MORN5: variants seen among roughly 807,000 people sequenced by gnomAD.
MORN5 encodes MORN repeat-containing protein 5.
A neutral mutation model predicts 22.1 loss-of-function variants in MORN5; 21 were observed. That is an observed-to-expected ratio of 0.95 (90% CI 0.67 to 1.37). The LOEUF (loss-of-function observed/expected upper bound fraction) is 1.37. Ranked by LOEUF, MORN5 falls within the 40% of genes most tolerant of loss-of-function variation. The probability of loss-of-function intolerance (pLI) is 0.00; values close to 1 mark genes in which losing one functional copy is unlikely to be tolerated. For missense variants in MORN5, 211 were observed against 215.1 expected (o/e 0.98, Z 0.12); for synonymous variants, 73 against 74.0 (o/e 0.99, Z 0.07).
chr9:122,196,121 G>A (rs755543076), intron 4 of MORN5, among the ~76,000 whole-genome samples: 13 of 151,894 alleles, frequency 8.6e-5, no homozygotes, highest in Admixed American at 3.3e-4. Context: ...ACCATGCCCA[G>A]CTAATTTTTC....
intron 1 of MORN5, among the ~76,000 whole-genome samples, chr9:122,164,217 AAG>A (rs5900511): frequency 0.97 from 147,366 of 151,238 alleles, 71,811 homozygotes; most frequent in East Asian, 1. Flanking sequence ...AAGGAAGGGA[AAG>A]AGAGAGAGAG....
chr9:122,167,832 G>A (rs375013407), intron 2 of MORN5, among the ~76,000 whole-genome samples: 32 of 152,256 alleles, frequency 2.1e-4, no homozygotes, highest in African/African-American at 7.0e-4. Context: ...GAGGCTCTAC[G>A]GGAAAACCTG....
chr9:122,195,431 T>C (rs1829867637), intron 4 of MORN5, among the ~76,000 whole-genome samples: 1 of 152,178 alleles, frequency 6.6e-6, no homozygotes, highest in South Asian at 2.1e-4. Flanking sequence ...CCTGTCTCCT[T>C]AGGCTCCACT....
At chr9:122,185,231 A>AT (rs553423576) in intron 4 of MORN5, among the ~76,000 whole-genome samples, 84 of 99,158 alleles carry the variant, frequency 8.5e-4, no homozygotes, top group Non-Finnish European at 1.1e-3. Context: ...AATTTTTTGT[A>AT]TTTTTTTTTG....
intron 3 of MORN5, among the ~76,000 whole-genome samples, chr9:122,171,397 T>C (rs1307389360): frequency 2.0e-5 from 3 of 152,180 alleles, no homozygotes; most frequent in African/African-American, 4.8e-5. Context: ...CCCAGGCTTC[T>C]TTGCCACTGC....
intron 4 of MORN5, among the ~76,000 whole-genome samples, chr9:122,193,767 G>T (rs1829826262): frequency 6.6e-6 from 1 of 152,234 alleles, no homozygotes; most frequent in African/African-American, 2.4e-5. Context: ...AGGAAGGGTG[G>T]TCCCTTGGGA....
In MORN5 at chr9:122,196,826, CTCT is replaced by C. The variant is rs370298844; in HGVS notation, c.440-3054_440-3052del. Among the ~76,000 whole-genome samples, 84 of 152,174 alleles carry C rather than the reference CTCT, an allele frequency of 5.5e-4. No homozygotes were observed. The East Asian group carries it at 0.013, about 23-fold the overall frequency. On this transcript the variant is annotated intron_variant, in intron 4 of 4. Coordinates refer to ENST00000373764, the MANE Select transcript of MORN5 (RefSeq NM_198469.4). ...TACTATGTGTACTTTTATTTCTTGT[CTCT>C]TCTTGCCTTTTTTCTTTTGCTTATT... is the stretch of plus-strand genomic sequence containing the variant.
intron 4 of MORN5, among the ~76,000 whole-genome samples, chr9:122,180,673 G>A (rs1223303639): frequency 6.6e-6 from 1 of 152,226 alleles, no homozygotes; most frequent in Non-Finnish European, 1.5e-5. Context: ...GGGACCAGCT[G>A]TTGGTGGACC....
Position 122,164,549 on chromosome 9 carries a change from A to G in MORN5, c.48-2219A>G, listed in dbSNP as rs1002176961. 4 of 983,686 alleles carry G rather than the reference A, an allele frequency of 4.1e-6. No individual in the cohort carries two copies. The African/African-American group carries it at 5.3e-5, about 13-fold the overall frequency. 60.9% of individuals were successfully genotyped at this position (983,686 alleles called of 1,614,324 possible). A position where few individuals can be genotyped will look rare whatever the true frequency, so the allele number is the denominator to read the frequency against. On this transcript the variant is annotated intron_variant, in intron 1 of 4. Coordinates refer to ENST00000373764, the MANE Select transcript of MORN5 (RefSeq NM_198469.4). ...CTGATACCATTCATGGAAATAGAGA[A>G]CTCTAAGGAGGTGCTGCTTAGGGGA...
chr9:122,182,031 C>T (rs888557080), intron 4 of MORN5, among the ~76,000 whole-genome samples: 5 of 152,190 alleles, frequency 3.3e-5, no homozygotes, highest in African/African-American at 9.7e-5. Flanking sequence ...TGCTGTCTTT[C>T]TGCCTCCTCA....
intron 2 of MORN5, among the ~76,000 whole-genome samples, chr9:122,168,111 C>T (rs1829314091): frequency 6.6e-6 from 1 of 152,236 alleles, no homozygotes. Flanking sequence ...TGTAAAGTAG[C>T]ATATTCACAG....
chr9:122,199,301 A>G (rs1829961411), intron 4 of MORN5, among the ~76,000 whole-genome samples: 1 of 152,188 alleles, frequency 6.6e-6, no homozygotes, highest in Non-Finnish European at 1.5e-5. Context: ...AGGCTTGCCC[A>G]TTGCGTGGTT....
chr9:122,160,525 GTTTT>G (rs201106696), intron 1 of MORN5, among the ~76,000 whole-genome samples: 6 of 151,198 alleles, frequency 4.0e-5, no homozygotes, highest in African/African-American at 1.5e-4. Flanking sequence ...CAATTCAACA[GTTTT>G]TTTTTCTTTT....
At position 122,183,490 on chromosome 9, in the gene MORN5, G is replaced by A. The variant is rs112664468; in HGVS notation, c.439+8863G>A. ...ATTAATATTCAAAGAAAAAACCCTC[G>A]TAACCATTTTAACATATACAACTAA... On this transcript the variant is annotated intron_variant, in intron 4 of 4. Transcript: ENST00000373764. Among the ~76,000 whole-genome samples the A allele has an allele frequency of 2.2e-3, 340 of 152,236 alleles. 2 individuals are homozygous for A. Among genetic ancestry groups the A allele is most frequent in the Non-Finnish European group, 3.4e-3 (228 of 68,020 alleles).
At chr9:122,190,881 C>G (rs530975781) in intron 4 of MORN5, among the ~76,000 whole-genome samples, 4 of 152,406 alleles carry the variant, frequency 2.6e-5, no homozygotes, top group Middle Eastern at 3.4e-3. Context: ...CCCACCAGCT[C>G]ACGTAGGCTG....
intron 4 of MORN5, among the ~76,000 whole-genome samples, chr9:122,191,691 C>T (rs775569672): frequency 4.6e-5 from 7 of 152,384 alleles, no homozygotes; most frequent in East Asian, 3.9e-4. Context: ...CAAAGGCGTG[C>T]GAAGAGCAGG....
At chr9:122,182,208 A>C (rs2118768859) in intron 4 of MORN5, among the ~76,000 whole-genome samples, 1 of 152,344 alleles carries the variant, frequency 6.6e-6, no homozygotes, top group Non-Finnish European at 1.5e-5. Context: ...ATTGATAAAC[A>C]CAACCAGCAC....
intron 4 of MORN5, among the ~76,000 whole-genome samples, chr9:122,180,821 G>A (rs1406275430): frequency 1.3e-5 from 2 of 152,112 alleles, no homozygotes; most frequent in East Asian, 3.9e-4. Flanking sequence ...ATCTTTATTA[G>A]CCTATCTCCC....
At chr9:122,184,280 A>G (rs1169864191) in intron 4 of MORN5, among the ~76,000 whole-genome samples, 1 of 152,214 alleles carries the variant, frequency 6.6e-6, no homozygotes, top group Non-Finnish European at 1.5e-5. Flanking sequence ...GCCAGCTCCA[A>G]GATCATCTGT....
Sources: allele counts gnomAD v4.1 joint callset (sites outside exome capture counted in the v4.1 genomes callset), GRCh38; gene constraint gnomAD v4.1.1; transcripts MANE v1.5; gene names NCBI Gene and HGNC (gene_info 2026-07-23, HGNC 2026-07-21).